SYTL2: variants seen among roughly 807,000 people sequenced by gnomAD.
The protein encoded by SYTL2 is synaptotagmin like 2.
In SYTL2, 165 loss-of-function variants were observed where a neutral mutation model predicts 198.7. That is an observed-to-expected ratio of 0.83 (90% CI 0.73 to 0.94). The LOEUF (loss-of-function observed/expected upper bound fraction) is 0.94. SYTL2 is among the 40% of genes least tolerant of loss of function. The pLI is 0.00. For synonymous variants in SYTL2, 966 were observed against 917.7 expected (o/e 1.05, Z -0.95); for missense variants, 2,835 against 2,582.8 (o/e 1.10, Z -2.12).
intron 17 of SYTL2, among the ~76,000 whole-genome samples, chr11:85,699,134 G>C (rs530156803): frequency 1.3e-5 from 2 of 152,294 alleles, no homozygotes; most frequent in African/African-American, 4.8e-5. Context: ...AGTTATGTTG[G>C]AGAGAATAAT....
intron 1 of SYTL2, among the ~76,000 whole-genome samples, chr11:85,771,512 C>T (rs769599136): frequency 3.3e-5 from 5 of 152,270 alleles, no homozygotes; most frequent in South Asian, 2.1e-4. Flanking sequence ...ACAAAGCTCA[C>T]GTTTATTCCA....
intron 4 of SYTL2, among the ~76,000 whole-genome samples, chr11:85,744,055 G>T (rs1420943437): frequency 6.6e-6 from 1 of 152,016 alleles, no homozygotes; most frequent in African/African-American, 2.4e-5. Flanking sequence ...TCTTTATGAA[G>T]GAAGGCCTTC....
intron 10 of SYTL2, 97 bp downstream of exon 10, chr11:85,718,693 G>C (rs538908544): frequency 2.8e-6 from 3 of 1,061,318 alleles, no homozygotes; most frequent in African/African-American, 3.1e-5. Flanking sequence ...GGCAAATGAC[G>C]TTCTTCTGTT....
rs1212799614 is a variant in SYTL2 at position 85,733,820 on chromosome 11, C to T, written c.1390+119G>A. Reference sequence around the variant, plus strand: ...TTCACCTTGTTAGCCAGGATGGTCTCGATCTCCTGACCTCATGATCCACCC... The same window carrying T: ...TTCACCTTGTTAGCCAGGATGGTCTTGATCTCCTGACCTCATGATCCACCC... On this transcript the variant is annotated intron_variant, in intron 7 of 19. Coordinates refer to ENST00000359152, the MANE Select transcript of SYTL2 (RefSeq NM_206927.4). 23 of 744,364 alleles carry T rather than the reference C, an allele frequency of 3.1e-5. No homozygotes were observed. The South Asian group carries it at 3.2e-4, about 10-fold the overall frequency. 46.1% of individuals were successfully genotyped at this position (744,364 alleles called of 1,614,324 possible).
At chr11:85,835,131 T>C in the SYTL2 span, among the ~76,000 whole-genome samples, 1 of 152,196 alleles carries the variant, frequency 6.6e-6, no homozygotes, top group Non-Finnish European at 1.5e-5. Flanking sequence ...CCATCATAAG[T>C]TGAGGAATAT....
intron 1 of SYTL2, among the ~76,000 whole-genome samples, chr11:85,789,246 AC>A (rs1396931622): frequency 1.4e-5 from 2 of 144,182 alleles, no homozygotes; most frequent in Admixed American, 7.0e-5. Flanking sequence ...ACAGGCACAC[AC>A]CACCATACCT....
At chr11:85,751,276 A>G (rs1385014281) in intron 2 of SYTL2, among the ~76,000 whole-genome samples, 1 of 152,190 alleles carries the variant, frequency 6.6e-6, no homozygotes, top group African/African-American at 2.4e-5. Context: ...TCGTAGATAA[A>G]TCCATATGTA....
intron 1 of SYTL2, among the ~76,000 whole-genome samples, chr11:85,775,320 C>G (rs2092433297): frequency 6.6e-6 from 1 of 152,118 alleles, no homozygotes; most frequent in Non-Finnish European, 1.5e-5. Context: ...GTCCTAAGAC[C>G]TGGTTCCTGT....
rs770034044 is a variant in SYTL2 at position 85,727,135 on chromosome 11, A to G, written c.2223T>C (p.Tyr741=). The G allele has an allele frequency of 3.9e-6, 6 of 1,536,082 alleles. No homozygotes were observed. Among genetic ancestry groups the G allele is most frequent in the Non-Finnish European group, 5.2e-6 (6 of 1,146,870 alleles). The part of the protein sequence containing the change: ...AERKSKVGNT[Y]ILKASLEPEN... ...CTGGCTCTAAGGAGGCTTTCAGGATATAGGTATTTCCTACTTTGCTCTTTC... is the reference window on the plus strand; with the variant it reads ...CTGGCTCTAAGGAGGCTTTCAGGATGTAGGTATTTCCTACTTTGCTCTTTC... Residue 741 remains tyrosine (Y), a synonymous_variant, in exon 8 of 20, where the codon TAT becomes TAC. Transcript: ENST00000359152.
the SYTL2 span, among the ~76,000 whole-genome samples, chr11:85,845,738 C>A: frequency 6.6e-6 from 1 of 152,154 alleles, no homozygotes; most frequent in South Asian, 2.1e-4. Flanking sequence ...GAAACCTGGT[C>A]TCTACTAATA....
At chr11:85,824,207 G>C in the SYTL2 span, among the ~76,000 whole-genome samples, 2 of 152,168 alleles carry the variant, frequency 1.3e-5, no homozygotes, top group East Asian at 3.9e-4. Context: ...AATACAGACA[G>C]AGGTGGGGAA....
At chr11:85,842,742 G>A in the SYTL2 span, among the ~76,000 whole-genome samples, 1 of 152,172 alleles carries the variant, frequency 6.6e-6, no homozygotes, top group Non-Finnish European at 1.5e-5. Context: ...AGAGATCTGT[G>A]GAAAGTCATT....
At chr11:85,722,397 A>C (rs1169745371) in intron 8 of SYTL2, among the ~76,000 whole-genome samples, 1 of 151,996 alleles carries the variant, frequency 6.6e-6, no homozygotes, top group Non-Finnish European at 1.5e-5. Context: ...GATGGTCTCG[A>C]TATCCTCACC....
At position 85,726,745 on chromosome 11, in the gene SYTL2, A is replaced by G. The variant is rs1565930336; in HGVS notation, c.2613T>C (p.Ser871=). 1 of 1,536,144 alleles carries G rather than the reference A, an allele frequency of 6.5e-7. No individual in the cohort carries two copies. Among genetic ancestry groups the G allele is most frequent in the South Asian group, 1.2e-5 (1 of 84,054 alleles). ...TCTCTTTAGATTTATTTGAGGAATA[A>G]GAATTGGAGAGCTGGGATGCTTGAT... ...EDDQASQLSN[S]YSSNKSKETK... is the part of the protein sequence containing the mutation. Residue 871 remains serine, a synonymous_variant, in exon 8 of 20, where the codon TCT becomes TCC. Transcript: ENST00000359152.
chr11:85,754,014 C>A (rs1360312902), intron 2 of SYTL2, among the ~76,000 whole-genome samples: 1 of 151,980 alleles, frequency 6.6e-6, no homozygotes, highest in Non-Finnish European at 1.5e-5. Context: ...GAGTTATACT[C>A]CAAAGTCTAT....
rs1223047144 is a variant in SYTL2 at position 85,724,311 on chromosome 11, C to CTGGG, written c.5043_5046dup (p.Glu1683ProfsTer7). 1 of 1,578,048 alleles carries CTGGG rather than the reference C, an allele frequency of 6.3e-7. No individual in the cohort carries two copies. Among genetic ancestry groups the CTGGG allele is most frequent in the Non-Finnish European group, 8.6e-7 (1 of 1,165,346 alleles). ...ACCCCACTTTCACTGTCCCTGTCCT[C>CTGGG]TGGGGGGGTTACAGTTTTAATGGTC... is the stretch of plus-strand genomic sequence containing the variant. On this transcript the variant is annotated frameshift_variant, in exon 8 of 20. Transcript: ENST00000359152. LOFTEE classifies it high-confidence loss of function.
chr11:85,808,783 T>C (rs1018987142), intron 1 of SYTL2, among the ~76,000 whole-genome samples: 2 of 152,172 alleles, frequency 1.3e-5, no homozygotes, highest in African/African-American at 4.8e-5. Context: ...GGATCTTCTA[T>C]GGAAAAGTTT....
In SYTL2 at chr11:85,784,951, G is replaced by A. The variant is rs376084745; in HGVS notation, c.-390+26003C>T. Among the ~76,000 whole-genome samples the A allele has an allele frequency of 1.1e-4, 17 of 152,132 alleles. No homozygotes were observed. The South Asian group carries it at 1.5e-3, about 13-fold the overall frequency. On this transcript the variant is annotated intron_variant, in intron 1 of 19. Transcript: ENST00000359152. Reference sequence around the variant, plus strand: ...ACTCACACCACAGCCTGTGGCTGCCGGCAGCAACACATCAGCACTTGCATG... The same window carrying A: ...ACTCACACCACAGCCTGTGGCTGCCAGCAGCAACACATCAGCACTTGCATG...
chr11:85,807,929 A>G (rs1386443567), intron 1 of SYTL2, among the ~76,000 whole-genome samples: 2 of 152,214 alleles, frequency 1.3e-5, no homozygotes, highest in Non-Finnish European at 2.9e-5. Context: ...CTTAGCTCTG[A>G]CAATAATTCA....
Sources: gnomAD v4.1 joint callset for allele counts (sites outside exome capture counted in the v4.1 genomes callset) on GRCh38, gnomAD v4.1.1 for gene constraint, MANE v1.5 for transcripts, NCBI Gene and HGNC (gene_info 2026-07-23, HGNC 2026-07-21) for gene names.